KDM4C: variants seen among roughly 807,000 people sequenced by gnomAD.
KDM4C encodes the protein lysine-specific demethylase 4C.
A neutral mutation model predicts 129.3 loss-of-function variants in KDM4C; 81 were observed. The ratio of observed to expected loss-of-function variants is 0.63; its 90% CI spans 0.52 to 0.75. KDM4C has a LOEUF of 0.75. Among genes scored for constraint, KDM4C ranks in the 30% least tolerant of loss-of-function variants. The probability of loss-of-function intolerance (pLI) is 0.00; values close to 1 mark genes in which losing one functional copy is unlikely to be tolerated. For missense variants in KDM4C, 1,457 were observed against 1,304.0 expected, an observed-to-expected ratio of 1.12 and a Z score of -1.81; for synonymous variants, 573 against 456.1, an observed-to-expected ratio of 1.26 and a Z score of -3.26.
chr9:7,047,064 G>C (rs1432810189), intron 16 of KDM4C, 147 bp downstream of exon 16: 4 of 622,010 alleles, frequency 6.4e-6, no homozygotes, highest in Non-Finnish European at 1.1e-5. Flanking sequence ...CTGTGCTTCA[G>C]AGACTTCTAC....
Position 7,008,759 on chromosome 9 carries a change from C to A in KDM4C, c.1787-2939C>A, listed in dbSNP as rs138422360. Among the ~76,000 whole-genome samples the A allele has an allele frequency of 2.4e-3, 368 of 152,290 alleles. 1 individual carries two copies. Among genetic ancestry groups the A allele is most frequent in the Admixed American group, 5.3e-3 (81 of 15,286 alleles). On this transcript the variant is annotated intron_variant, in intron 12 of 21. Transcript: ENST00000381309. ...GGTGGACTTAGGCTCCAGATCCAACCCCATGAACCCAGGTACCAGGCCAGC... is the reference window on the plus strand; with the variant it reads ...GGTGGACTTAGGCTCCAGATCCAACACCATGAACCCAGGTACCAGGCCAGC...
intron 5 of KDM4C, among the ~76,000 whole-genome samples, chr9:6,867,242 C>G (rs1439715039): frequency 2.6e-5 from 4 of 152,022 alleles, no homozygotes; most frequent in Non-Finnish European, 4.4e-5. Context: ...TCTTGATCTC[C>G]TGACCTCGTG....
intron 1 of KDM4C, among the ~76,000 whole-genome samples, chr9:6,789,541 T>A (rs529540964): frequency 1.6e-4 from 24 of 151,406 alleles, no homozygotes; most frequent in Non-Finnish European, 3.0e-4. Flanking sequence ...ATTTTTATAT[T>A]TTTTTTTAGA....
chr9:6,835,657 C>G, intron 4 of KDM4C: 3 of 746,004 alleles, frequency 4.0e-6, no homozygotes, highest in Non-Finnish European at 7.3e-6. Context: ...ATTGGCATGG[C>G]TTTATTTTTT....
chr9:6,941,528 A>T (rs1160046579), intron 8 of KDM4C: 2 of 152,222 alleles, frequency 1.3e-5, no homozygotes, highest in African/African-American at 4.8e-5. Context: ...ACTAAAAAAA[A>T]CCATATTACA....
chr9:6,909,320 A>G (rs1252268551), intron 8 of KDM4C, among the ~76,000 whole-genome samples: 1 of 152,188 alleles, frequency 6.6e-6, no homozygotes, highest in Non-Finnish European at 1.5e-5. Flanking sequence ...GAGAGCTGCA[A>G]AGTGCTGCAC....
intron 8 of KDM4C, among the ~76,000 whole-genome samples, chr9:6,946,374 C>G (rs1018466054): frequency 5.3e-5 from 8 of 152,072 alleles, no homozygotes; most frequent in African/African-American, 1.7e-4. Flanking sequence ...TATTATTGAT[C>G]TCCTCTTCAC....
At chr9:6,891,952 T>A (rs1846172385) in intron 7 of KDM4C, among the ~76,000 whole-genome samples, 1 of 152,194 alleles carries the variant, frequency 6.6e-6, no homozygotes, top group Admixed American at 6.5e-5. Context: ...TTTTATTATA[T>A]GTACATTATA....
intron 4 of KDM4C, among the ~76,000 whole-genome samples, chr9:6,830,035 A>G (rs891672987): frequency 3.9e-5 from 6 of 152,232 alleles, no homozygotes; most frequent in Admixed American, 6.5e-5. Flanking sequence ...TGTTTTACAG[A>G]TGATCAAAAA....
At chr9:7,097,253 G>T (rs1482656043) in intron 17 of KDM4C, among the ~76,000 whole-genome samples, 1 of 152,222 alleles carries the variant, frequency 6.6e-6, no homozygotes, top group Non-Finnish European at 1.5e-5. Flanking sequence ...CAGCATGTCT[G>T]CCAATAAGCC....
At chr9:6,932,555 T>G (rs1477370960) in intron 8 of KDM4C, among the ~76,000 whole-genome samples, 3 of 152,194 alleles carry the variant, frequency 2.0e-5, no homozygotes, top group African/African-American at 7.2e-5. Flanking sequence ...CAGCCACTAT[T>G]CAAACCTTTT....
intron 20 of KDM4C, among the ~76,000 whole-genome samples, chr9:7,167,892 A>G (rs1021942111): frequency 8.5e-5 from 13 of 152,316 alleles, no homozygotes; most frequent in South Asian, 4.1e-4. Flanking sequence ...GAATTAAACA[A>G]TAAGTGTAGC....
rs147098347 is a variant in KDM4C at position 6,900,353 on chromosome 9, T to G, written c.921+7121T>G. Among the ~76,000 whole-genome samples the G allele has an allele frequency of 9.8e-5, 15 of 152,354 alleles. 1 individual carries two copies. In the East Asian group the frequency reaches 1.7e-3, roughly 18 times the overall value. ...AATAAGCGCCAGCCACGTGTGTGAT[T>G]TGTGGGATCACTCTCAAGATTCTTG... On this transcript the variant is annotated intron_variant, in intron 8 of 21. Transcript: ENST00000381309.
intron 1 of KDM4C, among the ~76,000 whole-genome samples, chr9:6,744,226 T>TA: frequency 6.6e-6 from 1 of 152,066 alleles, no homozygotes; most frequent in Non-Finnish European, 1.5e-5. Flanking sequence ...GTGATCTCCT[T>TA]AAAAAACTAG....
intron 1 of KDM4C, among the ~76,000 whole-genome samples, chr9:6,751,497 A>T (rs1393667825): frequency 6.6e-6 from 1 of 152,164 alleles, no homozygotes; most frequent in Admixed American, 6.6e-5. Flanking sequence ...GTGGGGATAT[A>T]GCTGATCTCT....
chr9:7,101,188 A>G (rs768499644), intron 17 of KDM4C, among the ~76,000 whole-genome samples: 7 of 152,244 alleles, frequency 4.6e-5, no homozygotes, highest in Non-Finnish European at 1.0e-4. Flanking sequence ...ATGTTATTCT[A>G]GTGCCAGGTA....
chr9:6,721,259 A>ATTT (rs1816940605), intron 1 of KDM4C: 8 of 89,940 alleles, frequency 8.9e-5, no homozygotes, highest in Admixed American at 4.4e-4. Context: ...TTTTTTTTTA[A>ATTT]TTTTAAATTA....
intron 8 of KDM4C, among the ~76,000 whole-genome samples, chr9:6,928,680 G>A (rs1823082720): frequency 6.6e-6 from 1 of 151,576 alleles, no homozygotes; most frequent in African/African-American, 2.4e-5. Context: ...TGTCGTGCCC[G>A]TTATTTTTTA....
At chr9:7,087,881 G>A (rs1835321892) in intron 17 of KDM4C, among the ~76,000 whole-genome samples, 1 of 152,158 alleles carries the variant, frequency 6.6e-6, no homozygotes, top group Non-Finnish European at 1.5e-5. Flanking sequence ...ACTTAAAATT[G>A]TGTGAGAGGG....
Sources: gnomAD v4.1 joint callset for allele counts (sites outside exome capture counted in the v4.1 genomes callset) on GRCh38, gnomAD v4.1.1 for gene constraint, MANE v1.5 for transcripts, NCBI Gene and HGNC (gene_info 2026-07-23, HGNC 2026-07-21) for gene names.